The following LRP5 variants were observed in gnomAD, a reference collection of about 807,000 sequenced individuals.
The protein encoded by LRP5 is low-density lipoprotein receptor-related protein 5.
Under a neutral mutation model 154.1 loss-of-function variants are expected in LRP5, and 62 were observed. The observed-to-expected ratio is 0.40, with a 90% CI of 0.33 to 0.50. LRP5 has a LOEUF of 0.50. Among genes scored for constraint, LRP5 ranks in the 20% least tolerant of loss-of-function variants. The pLI is 0.55. For missense variants in LRP5, 1,915 were observed against 2,336.7 expected (o/e 0.82, Z 3.72); for synonymous variants, 966 against 1,011.5 (o/e 0.96, Z 0.85).
At chr11:68,302,426 A>C in the LRP5 span, among the ~76,000 whole-genome samples, 2 of 149,804 alleles carry the variant, frequency 1.3e-5, no homozygotes, top group Non-Finnish European at 3.0e-5. Flanking sequence ...CCTGGGTTCC[A>C]CCCATGCTTG....
chr11:68,358,941 G>A (rs188160141), intron 3 of LRP5, among the ~76,000 whole-genome samples: 15 of 152,318 alleles, frequency 9.8e-5, no homozygotes, highest in Admixed American at 2.6e-4. Flanking sequence ...TCTGTGCAGA[G>A]GGCAGTAGTG....
intron 2 of LRP5, among the ~76,000 whole-genome samples, chr11:68,354,812 A>T (rs1416396294): frequency 6.6e-6 from 1 of 152,192 alleles, no homozygotes; most frequent in Non-Finnish European, 1.5e-5. Flanking sequence ...GGGAATAGCA[A>T]TTCCCACCTT....
intron 1 of LRP5, among the ~76,000 whole-genome samples, chr11:68,323,971 C>T (rs1408755858): frequency 6.6e-6 from 1 of 152,244 alleles, no homozygotes; most frequent in Non-Finnish European, 1.5e-5. Context: ...GCTGTGGCCA[C>T]TGCCACCCAC....
chr11:68,426,198 G>T lies in LRP5; in HGVS notation c.3637+11G>T, dbSNP rs776324795. ...GCCTGGAGGAGTTCTGTACGTGGGG[G>T]CTGGCAGTGGGGTGGGCAGGGTGGC... On this transcript the variant is annotated intron_variant, in intron 16 of 22. Coordinates refer to ENST00000294304, the MANE Select transcript of LRP5 (RefSeq NM_002335.4). 1.6e-5 allele frequency: 25 copies of T among 1,608,130 alleles called. No homozygotes were observed. Among genetic ancestry groups the T allele is most frequent in the African/African-American group, 2.7e-5 (2 of 74,902 alleles).
At chr11:68,436,814 C>A in intron 18 of LRP5, 75 bp from the exon 19 acceptor site, 2 of 1,059,818 alleles carry the variant, frequency 1.9e-6, no homozygotes, top group Non-Finnish European at 2.9e-6. Context: ...GAGTCCAGAC[C>A]TTGGTTGCTG....
chr11:68,381,885 G>A (rs535874425), intron 5 of LRP5, among the ~76,000 whole-genome samples: 124 of 152,306 alleles, frequency 8.1e-4, no homozygotes, highest in Middle Eastern at 6.8e-3. Flanking sequence ...GAACCTCCTG[G>A]AGGCCAGCTG....
At chr11:68,326,380 C>T (rs745386215) in intron 1 of LRP5, among the ~76,000 whole-genome samples, 4 of 152,228 alleles carry the variant, frequency 2.6e-5, no homozygotes, top group African/African-American at 7.2e-5. Context: ...GGGCTCCTCC[C>T]GGCTGACCAG....
chr11:68,304,780 G>A, the LRP5 span, among the ~76,000 whole-genome samples: 1 of 152,258 alleles, frequency 6.6e-6, no homozygotes, highest in Non-Finnish European at 1.5e-5. Context: ...GCTCTGCTGG[G>A]TTTTGGACTT....
intron 16 of LRP5, among the ~76,000 whole-genome samples, chr11:68,427,974 T>TATTTTA (rs370883601): frequency 4.1e-3 from 187 of 45,800 alleles, no homozygotes; most frequent in African/African-American, 7.6e-3. Context: ...TATTTTATTT[T>TATTTTA]TTTTATTTAT....
chr11:68,449,178 T>TTA lies in LRP5; in HGVS notation c.*108_*109insTA. The stretch of plus-strand genomic sequence containing the variant: ...TAAAAAATAAATATAATTGGGATTT[T>TTA]AAAAACATGAGAAATGTGAACTGTG... On this transcript the variant is annotated 3_prime_UTR_variant, in exon 23 of 23. Coordinates refer to ENST00000294304, the MANE Select transcript of LRP5 (RefSeq NM_002335.4). The TTA allele has an allele frequency of 1.4e-6, 1 of 718,072 alleles. No individual in the cohort carries two copies. 44.5% of individuals were successfully genotyped at this position (718,072 alleles called of 1,614,324 possible).
chr11:68,360,217 A>T (rs1385126016), intron 3 of LRP5, among the ~76,000 whole-genome samples: 1 of 152,104 alleles, frequency 6.6e-6, no homozygotes, highest in Non-Finnish European at 1.5e-5. Flanking sequence ...AGGTTTCACC[A>T]TGTTGCCCAG....
intron 21 of LRP5, among the ~76,000 whole-genome samples, chr11:68,445,935 C>G (rs1402278822): frequency 2.0e-5 from 3 of 152,232 alleles, no homozygotes; most frequent in Admixed American, 6.5e-5. Context: ...CGCAGAGCCC[C>G]TGAGTGTTCG....
chr11:68,341,059 C>CTTTTTTTTTTTTTTTTTTTT lies in LRP5; in HGVS notation c.92-6769_92-6768insTTTTTTTTTTTTTTTTTTTT, dbSNP rs576462333. ...GTTACCCCTGCCGCTGGAGATTGTTCTTTTTTTTTTTTTTTTTTTGCTATT... is the reference window on the plus strand; with the variant it reads ...GTTACCCCTGCCGCTGGAGATTGTTCTTTTTTTTTTTTTTTTTTTTTTTTTTTTTTTTTTTTTTTGCTATT... On this transcript the variant is annotated intron_variant, in intron 1 of 22. Transcript: ENST00000294304. Among the ~76,000 whole-genome samples, 101 of 83,454 alleles carry CTTTTTTTTTTTTTTTTTTTT rather than the reference C, an allele frequency of 1.2e-3. 9 individuals carry two copies. Among genetic ancestry groups the CTTTTTTTTTTTTTTTTTTTT allele is most frequent in the African/African-American group, 3.5e-3 (74 of 21,002 alleles). 54.7% of individuals were successfully genotyped at this position (83,454 alleles called of 152,430 possible). A position where few individuals can be genotyped will look rare whatever the true frequency, so the allele number is the denominator to read the frequency against.
At position 68,413,681 on chromosome 11, in the gene LRP5, T is replaced by G; in HGVS notation, c.2504-8T>G. 6.2e-7 allele frequency: 1 copy of G among 1,613,478 alleles called. No homozygotes were observed. Among genetic ancestry groups the G allele is most frequent in the Non-Finnish European group, 8.5e-7 (1 of 1,179,858 alleles). On this transcript the variant is annotated splice_polypyrimidine_tract_variant and splice_region_variant and intron_variant, in intron 11 of 22. Transcript: ENST00000294304. This position sits in a 1 kb window ranked among gnomAD's most constrained non-coding sequence, Gnocchi z 5.1. ...TTGCTGACACCGTGCCCGTGTGTGT[T>G]CATGCAGGTCAGGAGCGGGTCGTGA...
Position 68,389,729 on chromosome 11 carries a change from A to C in LRP5, c.1413-152A>C, listed in dbSNP as rs1332325481. 3 of 762,080 alleles carry C rather than the reference A, an allele frequency of 3.9e-6. No individual in the cohort carries two copies. The East Asian group carries it at 7.6e-5, about 19-fold the overall frequency. 47.2% of individuals were successfully genotyped at this position (762,080 alleles called of 1,614,324 possible). On this transcript the variant is annotated intron_variant, in intron 6 of 22. Coordinates refer to ENST00000294304, the MANE Select transcript of LRP5 (RefSeq NM_002335.4). ...ATGTTTACCAACACCGACATTTACG[A>C]GCACCGACATTTACTGACACCAATA... is the stretch of plus-strand genomic sequence containing the variant.
intron 6 of LRP5, among the ~76,000 whole-genome samples, chr11:68,387,627 G>A (rs975845659): frequency 1.3e-5 from 2 of 152,206 alleles, no homozygotes; most frequent in African/African-American, 4.8e-5. Context: ...TTTGTCGGTC[G>A]GTAGGGGAGA....
chr11:68,449,106 GTAAA>G lies in LRP5; in HGVS notation c.*39_*42del. ...GCCACTCTGGCTTCTCTGTGCCCCT[GTAAA>G]TAGTTTTAAATATGAACAAAGAAAA... On this transcript the variant is annotated 3_prime_UTR_variant, in exon 23 of 23. Transcript: ENST00000294304. The G allele has an allele frequency of 2.0e-6, 3 of 1,466,824 alleles. No individual in the cohort carries two copies. The highest frequency in any genetic ancestry group is 2.7e-6 in the Non-Finnish European group (3 of 1,107,740). The allele number at this position is 1,466,824 out of a possible 1,614,324, so 90.9% of individuals were successfully genotyped here. A position where few individuals can be genotyped will look rare whatever the true frequency, so the allele number is the denominator to read the frequency against.
intron 12 of LRP5, among the ~76,000 whole-genome samples, chr11:68,415,084 G>C (rs992682359): frequency 3.3e-5 from 5 of 152,224 alleles, no homozygotes; most frequent in Non-Finnish European, 4.4e-5. Flanking sequence ...TGCGCTCGAA[G>C]TGCCACAGCT....
intron 18 of LRP5, among the ~76,000 whole-genome samples, 199 bp downstream of exon 18, chr11:68,434,037 G>A (rs760863150): frequency 5.1e-4 from 78 of 152,206 alleles, no homozygotes; most frequent in Non-Finnish European, 8.2e-4. Context: ...AGTGTGGCTT[G>A]AAGGCAGACT....
Sources: allele counts gnomAD v4.1 joint callset (sites outside exome capture counted in the v4.1 genomes callset), GRCh38; gene constraint gnomAD v4.1.1; non-coding constraint Gnocchi (gnomAD v3.1); transcripts MANE v1.5; gene names NCBI Gene and HGNC (gene_info 2026-07-23, HGNC 2026-07-21).